SIPA1L1: variants seen among roughly 807,000 people sequenced by gnomAD.
The protein encoded by SIPA1L1 is signal induced proliferation associated 1 like 1.
In SIPA1L1, 26 loss-of-function variants were observed where a neutral mutation model predicts 162.7. That is an observed-to-expected ratio of 0.16 (90% confidence interval 0.12 to 0.22). The LOEUF (loss-of-function observed/expected upper bound fraction) is 0.22, where lower values mean the gene tolerates loss of function less well. SIPA1L1 is among the 10% of genes least tolerant of loss of function. SIPA1L1 has a pLI of 1.00. For synonymous variants in SIPA1L1, 829 were observed against 837.4 expected, an observed-to-expected ratio of 0.99 and a Z score of 0.17; for missense variants, 1,874 against 2,241.0, an observed-to-expected ratio of 0.84 and a Z score of 3.31.
intron 18 of SIPA1L1, among the ~76,000 whole-genome samples, chr14:71,724,359 A>G (rs989456412): frequency 6.6e-6 from 1 of 152,216 alleles, no homozygotes; most frequent in Admixed American, 6.5e-5. Context: ...TCGTTTGTGC[A>G]AAGGTTGCAT....
chr14:71,362,031 G>A (rs1381161407), intron 2 of SIPA1L1, among the ~76,000 whole-genome samples: 1 of 152,156 alleles, frequency 6.6e-6, no homozygotes, highest in Non-Finnish European at 1.5e-5. Context: ...TTCTGGTGGA[G>A]TCACATGTTT....
intron 4 of SIPA1L1, among the ~76,000 whole-genome samples, chr14:71,534,236 C>T (rs959820670): frequency 4.2e-4 from 64 of 152,226 alleles, no homozygotes; most frequent in African/African-American, 1.5e-3. Flanking sequence ...AAACAAATCA[C>T]CCAACCTCAT....
intron 5 of SIPA1L1, among the ~76,000 whole-genome samples, chr14:71,594,124 A>G (rs537615724): frequency 6.6e-6 from 1 of 152,264 alleles, no homozygotes; most frequent in Non-Finnish European, 1.5e-5. Flanking sequence ...TGAGGAGACA[A>G]AGCACATTTC....
chr14:71,615,691 G>A (rs937526488), intron 5 of SIPA1L1, among the ~76,000 whole-genome samples: 4 of 152,158 alleles, frequency 2.6e-5, no homozygotes, highest in East Asian at 3.9e-4. Context: ...GGGACAAACG[G>A]TTCCATTAGG....
At chr14:71,680,798 C>T (rs1227729990) in intron 12 of SIPA1L1, among the ~76,000 whole-genome samples, 5 of 152,186 alleles carry the variant, frequency 3.3e-5, no homozygotes, top group East Asian at 1.9e-4. Flanking sequence ...ACTATAAACA[C>T]CTCTACGCAA....
chr14:71,542,693 CT>C (rs1442172237), intron 4 of SIPA1L1, among the ~76,000 whole-genome samples: 1 of 123,876 alleles, frequency 8.1e-6, no homozygotes. Context: ...TTCCTTCTCC[CT>C]TCTCCTCCTC....
chr14:71,676,510 TA>T (rs2045206463), intron 12 of SIPA1L1, among the ~76,000 whole-genome samples: 11 of 150,026 alleles, frequency 7.3e-5, no homozygotes, highest in Middle Eastern at 3.4e-3. Context: ...AGTTCTAGGA[TA>T]CATGTGTGCA....
chr14:71,451,632 C>CAAAAA (rs762968378), intron 2 of SIPA1L1, among the ~76,000 whole-genome samples: 2 of 54,378 alleles, frequency 3.7e-5, no homozygotes, highest in African/African-American at 1.4e-4. Flanking sequence ...GACCTTGTCT[C>CAAAAA]AAAAAAAAAA....
chr14:71,582,983 C>T (rs2147363984), intron 4 of SIPA1L1, among the ~76,000 whole-genome samples: 1 of 152,232 alleles, frequency 6.6e-6, no homozygotes, highest in Admixed American at 6.5e-5. Flanking sequence ...TCAGGAAAGC[C>T]AAGAAGGGAT....
At chr14:71,402,454 T>G (rs2041740445) in intron 2 of SIPA1L1, among the ~76,000 whole-genome samples, 1 of 152,004 alleles carries the variant, frequency 6.6e-6, no homozygotes, top group African/African-American at 2.4e-5. Flanking sequence ...GTTCAAGTGA[T>G]TCTCTTGCCT....
At chr14:71,454,498 C>T (rs1255258591) in intron 2 of SIPA1L1, among the ~76,000 whole-genome samples, 1 of 152,074 alleles carries the variant, frequency 6.6e-6, no homozygotes, top group Non-Finnish European at 1.5e-5. Context: ...TTAATTAAAG[C>T]ATCTAATTAA....
At chr14:71,539,160 T>G (rs575194901) in intron 4 of SIPA1L1, among the ~76,000 whole-genome samples, 5 of 152,314 alleles carry the variant, frequency 3.3e-5, no homozygotes, top group South Asian at 2.1e-4. Flanking sequence ...CACACTCCAT[T>G]CAAGGATGCT....
intron 2 of SIPA1L1, among the ~76,000 whole-genome samples, chr14:71,357,510 C>T (rs1372539317): frequency 6.6e-6 from 1 of 152,164 alleles, no homozygotes; most frequent in African/African-American, 2.4e-5. Flanking sequence ...GGGATTTGAG[C>T]CCTGACGTAA....
At chr14:71,368,142 C>CTTTTTTTTTTTTTTTTTTTTTTTT (rs755238643) in intron 2 of SIPA1L1, among the ~76,000 whole-genome samples, 2 of 115,186 alleles carry the variant, frequency 1.7e-5, no homozygotes, top group African/African-American at 3.3e-5. Context: ...TTGTGGTATT[C>CTTTTTTTTTTTTTTTTTTTTTTTT]TTTTTTTTTT....
intron 15 of SIPA1L1, chr14:71,704,839 C>A: frequency 8.2e-7 from 1 of 1,226,802 alleles, no homozygotes; most frequent in South Asian, 1.2e-5. Flanking sequence ...CCATGCCTGT[C>A]TAGGTAATGT....
chr14:71,653,252 C>G (rs774881067), intron 8 of SIPA1L1, among the ~76,000 whole-genome samples: 1 of 152,150 alleles, frequency 6.6e-6, no homozygotes, highest in Non-Finnish European at 1.5e-5. Context: ...TGTGGCTGTT[C>G]AGAACTCATT....
chr14:71,559,776 G>C (rs1268119443), intron 4 of SIPA1L1, among the ~76,000 whole-genome samples: 1 of 151,424 alleles, frequency 6.6e-6, no homozygotes, highest in Non-Finnish European at 1.5e-5. Context: ...CCAAAAGCAT[G>C]TTTTCTAACT....
In SIPA1L1 at chr14:71,702,493, G is replaced by A; in HGVS notation, c.3634G>A (p.Ala1212Thr). 2.5e-6 allele frequency: 4 copies of A among 1,614,110 alleles called. No individual in the cohort carries two copies. The highest frequency in any genetic ancestry group is 2.5e-6 in the Non-Finnish European group (3 of 1,179,964). The change falls in exon 15 of 24, where the codon GCT (alanine) becomes ACT (threonine). Residue 1212 changes from alanine (A) to threonine (T), a missense_variant. By Grantham distance (58) the Ala-to-Thr change is moderately conservative. This residue lies in a region of SIPA1L1 where 936 missense variants were observed against 1,051.9 expected (regional missense o/e 0.89). Coordinates refer to ENST00000381232, the MANE Select transcript of SIPA1L1 (RefSeq NM_001386936.1). ...PSWQRSEDSI[A>T]DQMEPTCHLP... The stretch of plus-strand genomic sequence containing the variant: ...CTGGCAAAGAAGTGAGGATAGCATT[G>A]CTGACCAGATGGGTAAGTAATCAAT...
Position 71,699,016 on chromosome 14 carries a change from C to T in SIPA1L1, c.3410C>T (p.Ser1137Leu). Residue 1137 changes from serine to leucine, a missense_variant, in exon 14 of 24, where the codon TCA becomes TTA. This residue lies in a region of SIPA1L1 where 936 missense variants were observed against 1,051.9 expected (regional missense o/e 0.89). Coordinates refer to ENST00000381232, the MANE Select transcript of SIPA1L1 (RefSeq NM_001386936.1). ...GGTTCGGACATCTATGTGACGGTCT[C>T]ATCCATGGCTTTAGCAAGATCCCAG... Reference protein sequence around the residue: ...SPGSDIYVTVSSMALARSQCR... With the variant: ...SPGSDIYVTVLSMALARSQCR... The T allele has an allele frequency of 6.2e-7, 1 of 1,614,208 alleles. No individual in the cohort carries two copies. The highest frequency in any genetic ancestry group is 2.2e-5 in the East Asian group (1 of 44,892).
Sources: allele counts gnomAD v4.1 joint callset (sites outside exome capture counted in the v4.1 genomes callset), GRCh38; gene constraint gnomAD v4.1.1; regional missense constraint gnomAD v4.1.1; transcripts MANE v1.5; gene names NCBI Gene and HGNC (gene_info 2026-07-23, HGNC 2026-07-21).